CDH8: variants seen among roughly 807,000 people sequenced by gnomAD.
CDH8 encodes cadherin-8.
In CDH8, 17 loss-of-function variants were observed where a neutral mutation model predicts 68.1. That is an observed-to-expected ratio of 0.25 (90% CI 0.17 to 0.37). CDH8 has a LOEUF of 0.37. Among genes scored for constraint, CDH8 ranks in the 10% least tolerant of loss-of-function variants. The probability of loss-of-function intolerance (pLI) is 1.00; values close to 1 mark genes in which losing one functional copy is unlikely to be tolerated. For synonymous variants in CDH8, 372 were observed against 365.1 expected (o/e 1.02, Z -0.21); for missense variants, 763 against 999.3 (o/e 0.76, Z 3.19).
intron 10 of CDH8, among the ~76,000 whole-genome samples, chr16:61,707,268 G>C (rs1964551881): frequency 6.6e-6 from 1 of 152,006 alleles, no homozygotes; most frequent in South Asian, 2.1e-4. Context: ...TCACCAATTT[G>C]TCAGTCAATG....
chr16:61,846,764 A>G lies in CDH8; in HGVS notation c.667+10355T>C, dbSNP rs1597014408. On this transcript the variant is annotated intron_variant, in intron 4 of 11. Transcript: ENST00000577390. ...ACAAAATTTGTGATCAATAAATGGT[A>G]ACTACCTTCTGCTTAATTTTTGGAA... Among the ~76,000 whole-genome samples the G allele has an allele frequency of 1.1e-4, 16 of 152,268 alleles. No homozygotes were observed. The South Asian group carries it at 3.1e-3, about 30-fold the overall frequency.
At chr16:61,733,981 T>C (rs972242326) in intron 8 of CDH8, among the ~76,000 whole-genome samples, 1 of 152,064 alleles carries the variant, frequency 6.6e-6, no homozygotes, top group African/African-American at 2.4e-5. Context: ...TCTTGATAGC[T>C]TTATCTACTC....
rs865973554 is a variant in CDH8 at position 61,983,935 on chromosome 16, C to T, written c.252+37217G>A. Among the ~76,000 whole-genome samples, 14 of 138,482 alleles carry T rather than the reference C, an allele frequency of 1.0e-4. No individual in the cohort carries two copies. The East Asian group carries it at 2.0e-3, about 20-fold the overall frequency. 90.8% of individuals were successfully genotyped at this position (138,482 alleles called of 152,430 possible). On this transcript the variant is annotated intron_variant, in intron 2 of 11. Coordinates refer to ENST00000577390, the MANE Select transcript of CDH8 (RefSeq NM_001796.5). The stretch of plus-strand genomic sequence containing the variant: ...TTTATTTTATTTTATTTTATTTTTT[C>T]GAGACGGAATCTCACTCTGTCACCT...
chr16:61,903,670 T>C (rs547301079), intron 2 of CDH8, among the ~76,000 whole-genome samples: 1 of 152,346 alleles, frequency 6.6e-6, no homozygotes, highest in Admixed American at 6.5e-5. Flanking sequence ...TCTAACTACA[T>C]GAACTGAAGA....
intron 10 of CDH8, among the ~76,000 whole-genome samples, chr16:61,686,100 G>A (rs946225044): frequency 4.0e-5 from 6 of 151,878 alleles, no homozygotes; most frequent in Admixed American, 3.9e-4. Context: ...TTGCTTATAC[G>A]TAACTGAAGC....
At position 61,803,643 on chromosome 16, in the gene CDH8, CA is replaced by C. The variant is rs948424031; in HGVS notation, c.1277+13835del. Among the ~76,000 whole-genome samples, 1,428 of 150,376 alleles carry C rather than the reference CA, an allele frequency of 9.5e-3. 18 individuals are homozygous for C. The highest frequency in any genetic ancestry group is 0.034 in the Middle Eastern group (10 of 290). ...GAAGATCTACCAAGGAAATGGAAAA[CA>C]AAAAAAAGGCAGGGGTTGCAATCCT... On this transcript the variant is annotated intron_variant, in intron 7 of 11. Transcript: ENST00000577390.
At chr16:61,759,823 T>C (rs981984029) in intron 8 of CDH8, among the ~76,000 whole-genome samples, 4 of 152,204 alleles carry the variant, frequency 2.6e-5, no homozygotes, top group South Asian at 2.1e-4. Context: ...ACTCCTCTCA[T>C]TGAGTTTCTT....
intron 7 of CDH8, among the ~76,000 whole-genome samples, chr16:61,801,154 GTT>G (rs2142997047): frequency 6.7e-6 from 1 of 149,832 alleles, no homozygotes; most frequent in East Asian, 1.9e-4. Flanking sequence ...TTCTTTTTTT[GTT>G]TCTCTCTCAA....
chr16:61,762,981 G>T (rs140119195), intron 8 of CDH8, among the ~76,000 whole-genome samples: 1 of 152,258 alleles, frequency 6.6e-6, no homozygotes, highest in Non-Finnish European at 1.5e-5. Context: ...CCATCAAAAT[G>T]CAGCTGTGCT....
chr16:61,735,225 G>A (rs1202232267), intron 8 of CDH8, among the ~76,000 whole-genome samples: 1 of 151,968 alleles, frequency 6.6e-6, no homozygotes, highest in Non-Finnish European at 1.5e-5. Flanking sequence ...ATCTTGGCAG[G>A]TTTCTGGGGT....
At chr16:61,844,913 G>A (rs753594276) in intron 4 of CDH8, among the ~76,000 whole-genome samples, 1 of 151,986 alleles carries the variant, frequency 6.6e-6, no homozygotes, top group Non-Finnish European at 1.5e-5. Flanking sequence ...TTGTAAAGTT[G>A]GTAAAACCTG....
At chr16:61,868,311 T>C (rs1438014674) in intron 3 of CDH8, among the ~76,000 whole-genome samples, 2 of 152,196 alleles carry the variant, frequency 1.3e-5, no homozygotes, top group African/African-American at 4.8e-5. Flanking sequence ...CATAGAAATA[T>C]TCATTGGGTA....
intron 2 of CDH8, among the ~76,000 whole-genome samples, chr16:61,926,625 T>C (rs76424805): frequency 0.046 from 6,958 of 152,294 alleles, 528 homozygotes; most frequent in African/African-American, 0.16. Flanking sequence ...AATTGTTGTC[T>C]GTGCAACAGA....
At chr16:61,733,751 A>G (rs949341210) in intron 8 of CDH8, among the ~76,000 whole-genome samples, 4 of 151,912 alleles carry the variant, frequency 2.6e-5, no homozygotes, top group African/African-American at 7.2e-5. Context: ...TTATCATAAA[A>G]CAACTTTTGA....
chr16:61,772,888 C>T (rs1488236832), intron 8 of CDH8, among the ~76,000 whole-genome samples: 2 of 151,996 alleles, frequency 1.3e-5, no homozygotes, highest in Non-Finnish European at 2.9e-5. Context: ...TTCCTATTCT[C>T]TATGTCATAG....
intron 7 of CDH8, among the ~76,000 whole-genome samples, chr16:61,803,060 C>T (rs1961697085): frequency 1.9e-5 from 1 of 51,884 alleles, no homozygotes. Context: ...TAAGGGCAGC[C>T]AGAGAGAAAG....
At chr16:61,859,392 C>G (rs1380858054) in intron 3 of CDH8, among the ~76,000 whole-genome samples, 1 of 152,050 alleles carries the variant, frequency 6.6e-6, no homozygotes, top group Non-Finnish European at 1.5e-5. Flanking sequence ...AGTCTGCCAC[C>G]AAAGCTAAGC....
At chr16:61,767,023 C>A (rs1960613631) in intron 8 of CDH8, among the ~76,000 whole-genome samples, 1 of 151,974 alleles carries the variant, frequency 6.6e-6, no homozygotes, top group African/African-American at 2.4e-5. Context: ...ATGCAGCAAG[C>A]CATCAGACAT....
At chr16:61,906,109 G>A (rs945501127) in intron 2 of CDH8, among the ~76,000 whole-genome samples, 6 of 152,270 alleles carry the variant, frequency 3.9e-5, no homozygotes, top group Middle Eastern at 3.4e-3. Flanking sequence ...ACAGAGTTGT[G>A]AAACCAAGAT....
Sources: allele counts gnomAD v4.1 joint callset (sites outside exome capture counted in the v4.1 genomes callset), GRCh38; gene constraint gnomAD v4.1.1; transcripts MANE v1.5; gene names NCBI Gene and HGNC (gene_info 2026-07-23, HGNC 2026-07-21).